The following WAPL variants were observed in gnomAD, a reference collection of about 807,000 sequenced individuals.
WAPL encodes wings apart-like protein homolog.
A neutral mutation model predicts 121.0 loss-of-function variants in WAPL; 5 were observed. The observed-to-expected ratio is 0.04, with a 90% CI of 0.02 to 0.09. WAPL has a LOEUF of 0.09. Ranked by LOEUF, WAPL falls within the 10% of genes least tolerant of loss-of-function variation. The pLI is 1.00. For missense variants in WAPL, 999 were observed against 1,410.8 expected, an observed-to-expected ratio of 0.71 and a Z score of 4.68; for synonymous variants, 480 against 481.5, an observed-to-expected ratio of 1.00 and a Z score of 0.04.
At chr10:86,445,847 A>C (rs1564561534) in intron 16 of WAPL, among the ~76,000 whole-genome samples, 1 of 152,142 alleles carries the variant, frequency 6.6e-6, no homozygotes, top group Non-Finnish European at 1.5e-5. Context: ...ACCATCTAGT[A>C]CTTACACTTT....
At chr10:86,483,622 G>T (rs976109985) in intron 4 of WAPL, among the ~76,000 whole-genome samples, 3 of 151,946 alleles carry the variant, frequency 2.0e-5, no homozygotes, top group Non-Finnish European at 4.4e-5. Context: ...TATTCCAGAA[G>T]AAGGCTGGCA....
chr10:86,467,185 A>T, intron 9 of WAPL, 94 bp downstream of exon 9: 1 of 1,135,720 alleles, frequency 8.8e-7, no homozygotes, highest in Non-Finnish European at 1.3e-6. Flanking sequence ...GGTTAGAATT[A>T]AAATAATTTG....
intron 4 of WAPL, among the ~76,000 whole-genome samples, chr10:86,494,850 T>C (rs1225326058): frequency 1.3e-5 from 2 of 152,284 alleles, no homozygotes; most frequent in South Asian, 2.1e-4. Flanking sequence ...TTTGGGGTAG[T>C]ACTGTAGAAG....
Position 86,497,444 on chromosome 10 carries a change from CCA to C in WAPL, c.1526-127_1526-126del, listed in dbSNP as rs376079197. On this transcript the variant is annotated intron_variant, in intron 3 of 18. Coordinates refer to ENST00000298767, the MANE Select transcript of WAPL (RefSeq NM_015045.5). ...GAAAAGAATAAAGGAAATCACAGCA[CCA>C]CAGAGCTGACAAAATACTCCCTAGA... 65 of 734,890 alleles carry C rather than the reference CCA, an allele frequency of 8.8e-5. No homozygotes were observed. In the African/African-American group the frequency reaches 9.1e-4, roughly 10 times the overall value. 45.5% of individuals were successfully genotyped at this position (734,890 alleles called of 1,614,324 possible).
intron 16 of WAPL, 127 bp from the exon 17 acceptor site, chr10:86,443,490 G>T: frequency 1.7e-6 from 1 of 585,160 alleles, no homozygotes; most frequent in Non-Finnish European, 2.8e-6. Flanking sequence ...TAGGACAACT[G>T]GATATCCACA....
At chr10:86,501,922 G>T (rs1842255126) in intron 2 of WAPL, among the ~76,000 whole-genome samples, 1 of 152,278 alleles carries the variant, frequency 6.6e-6, no homozygotes. Flanking sequence ...GAACTCCTGG[G>T]CTCAAGCAAA....
At chr10:86,489,503 T>C (rs1325939511) in intron 4 of WAPL, among the ~76,000 whole-genome samples, 1 of 152,144 alleles carries the variant, frequency 6.6e-6, no homozygotes, top group African/African-American at 2.4e-5. Context: ...CACACATACA[T>C]ATACAGCAAT....
intron 4 of WAPL, among the ~76,000 whole-genome samples, chr10:86,478,731 A>G (rs1841717328): frequency 6.6e-6 from 1 of 152,206 alleles, no homozygotes; most frequent in Non-Finnish European, 1.5e-5. Flanking sequence ...ACAATGGATA[A>G]AAGTTGGTTT....
chr10:86,485,952 C>T (rs1029555268), intron 4 of WAPL, among the ~76,000 whole-genome samples: 1 of 152,190 alleles, frequency 6.6e-6, no homozygotes, highest in African/African-American at 2.4e-5. Flanking sequence ...TACCTAGGCC[C>T]AGCCAGAACC....
intron 12 of WAPL, among the ~76,000 whole-genome samples, chr10:86,456,195 G>C (rs898095813): frequency 6.6e-6 from 1 of 152,190 alleles, no homozygotes; most frequent in Non-Finnish European, 1.5e-5. Context: ...AAGGCAGCTA[G>C]CACTGAGAGG....
rs1589532158 is a variant in WAPL, at chr10:86,499,605, T to C, written c.1525+113A>G. ...ATGGGATCTTTATCTTATTATACTG[T>C]ACTCACCTCTTTTCAGAATATGGTT... On this transcript the variant is annotated intron_variant, in intron 3 of 18. Transcript: ENST00000298767. 1.7e-5 allele frequency: 18 copies of C among 1,033,622 alleles called. No individual in the cohort carries two copies. The South Asian group carries it at 2.9e-4, about 17-fold the overall frequency. The allele number at this position is 1,033,622 out of a possible 1,614,324, so 64.0% of individuals were successfully genotyped here. A position where few individuals can be genotyped will look rare whatever the true frequency, so the allele number is the denominator to read the frequency against.
At chr10:86,513,329 AATTT>A (rs1214670570) in intron 2 of WAPL, among the ~76,000 whole-genome samples, 2 of 151,848 alleles carry the variant, frequency 1.3e-5, no homozygotes, top group South Asian at 2.1e-4. Context: ...AGTGAAACAC[AATTT>A]ATTTATTTAC....
chr10:86,443,613 G>T, intron 16 of WAPL: 1 of 427,960 alleles, frequency 2.3e-6, no homozygotes, highest in Non-Finnish European at 4.2e-6. Context: ...AAACTGAAAA[G>T]ATTAATCCAC....
Position 86,443,292 on chromosome 10 carries a change from G to C in WAPL, c.3394C>G (p.Leu1132Val), listed in dbSNP as rs896092832. 1 of 1,613,686 alleles carries C rather than the reference G, an allele frequency of 6.2e-7. No individual in the cohort carries two copies. The highest frequency in any genetic ancestry group is 8.5e-7 in the Non-Finnish European group (1 of 1,179,796). Residue 1132 changes from leucine (L) to valine (V), a missense_variant, in exon 17 of 19, where the codon CTC (leucine) becomes GTC (valine). By Grantham distance (32) the Leu-to-Val change is conservative (BLOSUM62 1). Transcript: ENST00000298767. Reference sequence around the variant, plus strand: ...GTACTTACTGGACTTTCCTGGCAGAGACACCCAAGAAGTAGTGCTGTGTAG... The same window carrying C: ...GTACTTACTGGACTTTCCTGGCAGACACACCCAAGAAGTAGTGCTGTGTAG... ...ASYTALLLGCLCQESPINVTT... is the reference protein window; with the variant it reads ...ASYTALLLGCVCQESPINVTT...
chr10:86,461,126 C>T (rs777077065), intron 10 of WAPL, 50 bp downstream of exon 10: 7 of 1,382,962 alleles, frequency 5.1e-6, no homozygotes, highest in Non-Finnish European at 7.1e-6. Context: ...GGAGTATTTT[C>T]TTCAGGCTTT....
At chr10:86,439,826 G>A (rs1849417854) in intron 17 of WAPL, among the ~76,000 whole-genome samples, 1 of 152,226 alleles carries the variant, frequency 6.6e-6, no homozygotes, top group Non-Finnish European at 1.5e-5. Flanking sequence ...GCAGTGAGGA[G>A]ACTGACCACT....
intron 4 of WAPL, among the ~76,000 whole-genome samples, chr10:86,484,551 A>G (rs1319029416): frequency 6.6e-6 from 1 of 152,214 alleles, no homozygotes; most frequent in Non-Finnish European, 1.5e-5. Context: ...TTAATTTATC[A>G]TTGAAGAAAC....
intron 5 of WAPL, among the ~76,000 whole-genome samples, chr10:86,473,200 T>C (rs762774536): frequency 4.9e-4 from 75 of 152,230 alleles, no homozygotes; most frequent in Non-Finnish European, 6.8e-4. Context: ...GAGCATGCTA[T>C]ATTACTACTA....
rs531404303 is a variant in WAPL, at chr10:86,505,300, CTT to C, written c.500-4559_500-4558del. Among the ~76,000 whole-genome samples the C allele has an allele frequency of 5.4e-3, 243 of 44,630 alleles. No individual in the cohort carries two copies. The East Asian group carries it at 0.088, about 16-fold the overall frequency. The allele number at this position is 44,630 out of a possible 152,430, so 29.3% of individuals were successfully genotyped here. A position where few individuals can be genotyped will look rare whatever the true frequency, so the allele number is the denominator to read the frequency against. On this transcript the variant is annotated intron_variant, in intron 2 of 18. Transcript: ENST00000298767. ...CAAGCTTCAGCCACAGTGCCCAACT[CTT>C]TTTTTTTTTTTTTTTTTTTTTTTGG...
Sources: allele counts gnomAD v4.1 joint callset (sites outside exome capture counted in the v4.1 genomes callset), GRCh38; gene constraint gnomAD v4.1.1; transcripts MANE v1.5; gene names NCBI Gene and HGNC (gene_info 2026-07-23, HGNC 2026-07-21).